The following LIPC variants were observed in gnomAD, a reference collection of about 807,000 sequenced individuals.
LIPC encodes the protein lipase C, hepatic type.
In LIPC, 44 loss-of-function variants were observed where a neutral mutation model predicts 50.7. The ratio of observed to expected loss-of-function variants is 0.87; its 90% CI spans 0.68 to 1.11. The LOEUF is 1.11. Ranked by LOEUF, LIPC falls within the 50% of genes most tolerant of loss-of-function variation. The probability of loss-of-function intolerance (pLI) is 0.00; values close to 1 mark genes in which losing one functional copy is unlikely to be tolerated. For synonymous variants in LIPC, 271 were observed against 256.4 expected (o/e 1.06, Z -0.54); for missense variants, 697 against 648.2 (o/e 1.08, Z -0.82).
chr15:58,568,393 G>A (rs1894455955), intron 8 of LIPC, among the ~76,000 whole-genome samples: 1 of 152,164 alleles, frequency 6.6e-6, no homozygotes, highest in South Asian at 2.1e-4. Flanking sequence ...AGGCAAATGT[G>A]GTCAAGGAAA....
chr15:58,534,792 A>C (rs1428730561), intron 1 of LIPC, among the ~76,000 whole-genome samples: 3 of 152,168 alleles, frequency 2.0e-5, no homozygotes, highest in Non-Finnish European at 4.4e-5. Context: ...CATAGTGTAC[A>C]TTTTTGGGTG....
chr15:58,549,067 C>T (rs1893651617), intron 6 of LIPC, among the ~76,000 whole-genome samples: 1 of 152,210 alleles, frequency 6.6e-6, no homozygotes, highest in African/African-American at 2.4e-5. Context: ...ACTCCCAAGA[C>T]AAGATTCAGC....
intron 8 of LIPC, chr15:58,565,206 A>G (rs1894322110): frequency 1.3e-6 from 2 of 1,535,606 alleles, no homozygotes; most frequent in African/African-American, 1.4e-5. Flanking sequence ...ATCTGGGAAG[A>G]TTAAACTGCT....
intron 1 of LIPC, among the ~76,000 whole-genome samples, chr15:58,453,022 G>A (rs972158541): frequency 1.3e-5 from 2 of 152,192 alleles, no homozygotes; most frequent in Non-Finnish European, 2.9e-5. Context: ...TTCTCCAAAG[G>A]TCCATGCCCC....
intron 1 of LIPC, among the ~76,000 whole-genome samples, chr15:58,524,949 T>G (rs1473344777): frequency 2.0e-5 from 3 of 151,982 alleles, no homozygotes; most frequent in Admixed American, 1.3e-4. Flanking sequence ...AATTTAACAA[T>G]CTTTTACAGC....
intron 1 of LIPC, among the ~76,000 whole-genome samples, chr15:58,536,082 GC>G (rs1341880326): frequency 6.6e-6 from 1 of 152,164 alleles, no homozygotes; most frequent in Non-Finnish European, 1.5e-5. Flanking sequence ...AAATCACCCC[GC>G]TGCAGGGCAA....
intron 1 of LIPC, among the ~76,000 whole-genome samples, chr15:58,478,165 A>C (rs1891061853): frequency 6.6e-6 from 1 of 152,210 alleles, no homozygotes; most frequent in East Asian, 1.9e-4. Flanking sequence ...GAACTCTCAG[A>C]ATAAATAATA....
At chr15:58,555,109 C>T (rs191587650) in intron 6 of LIPC, among the ~76,000 whole-genome samples, 3 of 152,188 alleles carry the variant, frequency 2.0e-5, no homozygotes, top group Admixed American at 1.3e-4. Flanking sequence ...GCTAAAGGGG[C>T]CTTTGCATCC....
chr15:58,464,575 C>G (rs1172614969), intron 1 of LIPC, among the ~76,000 whole-genome samples: 1 of 152,242 alleles, frequency 6.6e-6, no homozygotes, highest in African/African-American at 2.4e-5. Flanking sequence ...TTCTGTCTAA[C>G]TTGGGTAGTA....
At chr15:58,459,359 A>C (rs1894251745) in intron 1 of LIPC, among the ~76,000 whole-genome samples, 1 of 151,694 alleles carries the variant, frequency 6.6e-6, no homozygotes, top group South Asian at 2.1e-4. Context: ...GTCCTTTGCT[A>C]AGCTTGAGTG....
At chr15:58,481,754 G>C (rs116819257) in intron 1 of LIPC, among the ~76,000 whole-genome samples, 1 of 152,182 alleles carries the variant, frequency 6.6e-6, no homozygotes, top group African/African-American at 2.4e-5. Context: ...AGCCGAGATC[G>C]GGCCACTGCA....
chr15:58,567,335 AT>A (rs1894419079), intron 8 of LIPC, among the ~76,000 whole-genome samples: 4 of 16,508 alleles, frequency 2.4e-4, no homozygotes, highest in African/African-American at 2.6e-4. Flanking sequence ...ATATATATAT[AT>A]ATGTATATGT....
intron 1 of LIPC, among the ~76,000 whole-genome samples, chr15:58,517,755 T>C (rs1289788031): frequency 6.6e-6 from 1 of 152,196 alleles, no homozygotes; most frequent in Non-Finnish European, 1.5e-5. Flanking sequence ...GCTGTCACAG[T>C]CAAATAAAAC....
At chr15:58,533,940 T>G (rs1231086611) in intron 1 of LIPC, among the ~76,000 whole-genome samples, 3 of 152,050 alleles carry the variant, frequency 2.0e-5, no homozygotes, top group African/African-American at 4.8e-5. Flanking sequence ...ACACTATAAT[T>G]TGAAGGGGAA....
At chr15:58,474,390 A>T (rs1890911149) in intron 1 of LIPC, among the ~76,000 whole-genome samples, 1 of 151,840 alleles carries the variant, frequency 6.6e-6, no homozygotes, top group Non-Finnish European at 1.5e-5. Flanking sequence ...TGATGGTCCC[A>T]CCTGTGGTCC....
chr15:58,448,736 A>C (rs542954784), intron 1 of LIPC, among the ~76,000 whole-genome samples: 1 of 152,276 alleles, frequency 6.6e-6, no homozygotes, highest in East Asian at 1.9e-4. Flanking sequence ...ATGGGAAAAC[A>C]GGCTTAAAAA....
intron 1 of LIPC, among the ~76,000 whole-genome samples, chr15:58,452,664 G>T (rs1893946638): frequency 6.6e-6 from 1 of 152,040 alleles, no homozygotes. Flanking sequence ...CTGCAGTGGG[G>T]AGGGGATAGG....
In LIPC at chr15:58,453,853, C is replaced by A. The variant is rs115290974; in HGVS notation, c.88+21733C>A. Reference sequence around the variant, plus strand: ...TGCAGTGAGCCATGATCATGCACAGCAAGACCCTGTCTCAAAAAAAAAAAA... The same window carrying A: ...TGCAGTGAGCCATGATCATGCACAGAAAGACCCTGTCTCAAAAAAAAAAAA... On this transcript the variant is annotated intron_variant, in intron 1 of 8. Transcript: ENST00000299022. 8.7e-3 allele frequency among the ~76,000 whole-genome samples: 1,256 copies of A among 144,924 alleles called. 21 individuals are homozygous for A. The highest frequency in any genetic ancestry group is 0.03 in the African/African-American group (1,193 of 39,428).
At chr15:58,479,135 C>T (rs2140768065) in intron 1 of LIPC, among the ~76,000 whole-genome samples, 1 of 152,312 alleles carries the variant, frequency 6.6e-6, no homozygotes, top group South Asian at 2.1e-4. Flanking sequence ...GCATGAGACA[C>T]ACACCTTAAG....
Sources: gnomAD v4.1 joint callset for allele counts (sites outside exome capture counted in the v4.1 genomes callset) on GRCh38, gnomAD v4.1.1 for gene constraint, MANE v1.5 for transcripts, NCBI Gene and HGNC (gene_info 2026-07-23, HGNC 2026-07-21) for gene names.